The following TNFSF4 variants were observed in gnomAD, a reference collection of about 807,000 sequenced individuals.
TNFSF4 encodes TNF superfamily member 4.
In TNFSF4, 4 loss-of-function variants were observed where a neutral mutation model predicts 7.3. The observed-to-expected ratio is 0.55, with a 90% CI of 0.27 to 1.25. The LOEUF is 1.25. TNFSF4 is among the 50% of genes most tolerant of loss of function. The pLI is 0.12. For missense variants in TNFSF4, 181 were observed against 208.8 expected, an observed-to-expected ratio of 0.87 and a Z score of 0.82; for synonymous variants, 76 against 83.7, an observed-to-expected ratio of 0.91 and a Z score of 0.50.
At chr1:173,335,167 C>G in the TNFSF4 span, among the ~76,000 whole-genome samples, 1 of 152,072 alleles carries the variant, frequency 6.6e-6, no homozygotes, top group Admixed American at 6.5e-5. Flanking sequence ...AAACATGGAA[C>G]AAACAGTGGC....
chr1:173,407,388 C>G, the TNFSF4 span, among the ~76,000 whole-genome samples: 3 of 151,620 alleles, frequency 2.0e-5, no homozygotes, highest in Non-Finnish European at 4.4e-5. Context: ...GACGAAACCC[C>G]GTCTCCATAA....
At chr1:173,215,435 A>C in the TNFSF4 span, among the ~76,000 whole-genome samples, 1 of 152,148 alleles carries the variant, frequency 6.6e-6, no homozygotes, top group East Asian at 1.9e-4. Flanking sequence ...CTGTGGTAAC[A>C]AGAATTTTAC....
At chr1:173,210,647 T>C (rs1161377024), upstream of TNFSF4, among the ~76,000 whole-genome samples, 1 of 152,096 alleles carries the variant, frequency 6.6e-6, no homozygotes, top group African/African-American at 2.4e-5. Context: ...TGATATGATA[T>C]GATTACATTT....
At chr1:173,231,818 AACAG>A in the TNFSF4 span, among the ~76,000 whole-genome samples, 1 of 152,150 alleles carries the variant, frequency 6.6e-6, no homozygotes, top group Non-Finnish European at 1.5e-5. Flanking sequence ...ATACACCAAT[AACAG>A]ACAATCAGAG....
chr1:173,255,930 T>C, the TNFSF4 span, among the ~76,000 whole-genome samples: 1 of 152,270 alleles, frequency 6.6e-6, no homozygotes, highest in African/African-American at 2.4e-5. Context: ...ATCATTTTTA[T>C]TTGGGTGTTA....
the TNFSF4 span, among the ~76,000 whole-genome samples, chr1:173,357,720 A>AG: frequency 2.7e-4 from 41 of 152,148 alleles, no homozygotes; most frequent in African/African-American, 8.2e-4. Flanking sequence ...TTAGTAGAGA[A>AG]GGGGGGTTTC....
intron 1 of TNFSF4, among the ~76,000 whole-genome samples, chr1:173,191,915 G>A (rs1314111650): frequency 2.6e-5 from 4 of 152,176 alleles, no homozygotes; most frequent in African/African-American, 4.8e-5. Flanking sequence ...AGTGGCTGAC[G>A]CTTGTAATCC....
At chr1:173,186,972 A>AT (rs1649255793) in intron 2 of TNFSF4, 107 bp from the exon 3 acceptor site, 1 of 760,682 alleles carries the variant, frequency 1.3e-6, no homozygotes, top group African/African-American at 1.8e-5. Flanking sequence ...ATAGGGAGAG[A>AT]TTTTGAAAAG....
chr1:173,296,903 G>T, the TNFSF4 span, among the ~76,000 whole-genome samples: 1 of 151,954 alleles, frequency 6.6e-6, no homozygotes, highest in African/African-American at 2.4e-5. Flanking sequence ...CCTCAGCACA[G>T]CCTCTCAATA....
the TNFSF4 span, among the ~76,000 whole-genome samples, chr1:173,251,469 T>C: frequency 3.3e-5 from 5 of 152,168 alleles, no homozygotes; most frequent in African/African-American, 1.2e-4. Flanking sequence ...TAGTACTCAA[T>C]ACCTATTTGG....
chr1:173,432,112 T>A, the TNFSF4 span, among the ~76,000 whole-genome samples: 4 of 152,198 alleles, frequency 2.6e-5, no homozygotes, highest in African/African-American at 9.7e-5. Context: ...TGGCACGTAA[T>A]AATGTGAAGC....
chr1:173,273,202 G>A, the TNFSF4 span, among the ~76,000 whole-genome samples: 1 of 151,936 alleles, frequency 6.6e-6, no homozygotes, highest in East Asian at 1.9e-4. Context: ...ATTTCTTTGG[G>A]GCATTGTCTC....
the TNFSF4 span, among the ~76,000 whole-genome samples, chr1:173,369,283 G>A: frequency 6.6e-6 from 1 of 152,178 alleles, no homozygotes; most frequent in Non-Finnish European, 1.5e-5. Flanking sequence ...ACTAACAGAA[G>A]AAAAGGCTTA....
the TNFSF4 span, among the ~76,000 whole-genome samples, chr1:173,431,580 C>T: frequency 6.6e-6 from 1 of 152,386 alleles, no homozygotes; most frequent in East Asian, 1.9e-4. Flanking sequence ...GCTGAGCTTT[C>T]TCCCCCAGGG....
At chr1:173,226,409 A>G in the TNFSF4 span, among the ~76,000 whole-genome samples, 1 of 152,322 alleles carries the variant, frequency 6.6e-6, no homozygotes, top group South Asian at 2.1e-4. Context: ...TTTTGTACTA[A>G]AACATGAATA....
At chr1:173,409,995 T>G in the TNFSF4 span, among the ~76,000 whole-genome samples, 1 of 152,202 alleles carries the variant, frequency 6.6e-6, no homozygotes, top group Admixed American at 6.5e-5. Flanking sequence ...CCAGGTGCAG[T>G]GGCTCACACC....
the TNFSF4 span, among the ~76,000 whole-genome samples, chr1:173,446,358 CAT>C: frequency 6.6e-6 from 1 of 152,210 alleles, no homozygotes; most frequent in East Asian, 1.9e-4. Flanking sequence ...GAGTTAAAAA[CAT>C]ATGTCCACAC....
the TNFSF4 span, among the ~76,000 whole-genome samples, chr1:173,366,963 C>A: frequency 6.6e-6 from 1 of 152,176 alleles, no homozygotes; most frequent in East Asian, 1.9e-4. Context: ...CCTCGCTTTA[C>A]AGGCTACTTC....
the TNFSF4 span, among the ~76,000 whole-genome samples, chr1:173,434,742 T>C: frequency 6.6e-5 from 10 of 152,166 alleles, no homozygotes; most frequent in Non-Finnish European, 1.2e-4. Context: ...ATCTGGGTAA[T>C]TGAGATACAG....
Sources: gnomAD v4.1 joint callset for allele counts (sites outside exome capture counted in the v4.1 genomes callset) on GRCh38, gnomAD v4.1.1 for gene constraint, MANE v1.5 for transcripts, NCBI Gene and HGNC (gene_info 2026-07-23, HGNC 2026-07-21) for gene names.